The following MSI2 variants were observed in gnomAD, a reference collection of about 807,000 sequenced individuals.
The protein encoded by MSI2 is musashi RNA binding protein 2.
Under a neutral mutation model 45.6 loss-of-function variants are expected in MSI2, and 17 were observed. The ratio of observed to expected loss-of-function variants is 0.37; its 90% CI spans 0.26 to 0.56. The LOEUF (loss-of-function observed/expected upper bound fraction) is 0.56, where lower values mean the gene tolerates loss of function less well. MSI2 is among the 20% of genes least tolerant of loss of function. The pLI, the probability that MSI2 is intolerant of heterozygous loss-of-function variation, is 0.77. For synonymous variants in MSI2, 156 were observed against 158.2 expected, an observed-to-expected ratio of 0.99 and a Z score of 0.11; for missense variants, 293 against 444.2, an observed-to-expected ratio of 0.66 and a Z score of 3.06.
In MSI2 at chr17:57,280,682, C is replaced by T. The variant is rs914125932; in HGVS notation, c.312+18490C>T. Among the ~76,000 whole-genome samples the T allele has an allele frequency of 3.9e-5, 6 of 152,020 alleles. No individual in the cohort carries two copies. The highest frequency in any genetic ancestry group is 9.7e-5 in the African/African-American group (4 of 41,378). Reference sequence around the variant, plus strand: ...CTGGCAATCGGCATACTCTTAGTGACGGACCCCTATTGGTAAACTTGTTTT... The same window carrying T: ...CTGGCAATCGGCATACTCTTAGTGATGGACCCCTATTGGTAAACTTGTTTT... On this transcript the variant is annotated intron_variant, in intron 5 of 13. Transcript: ENST00000284073. The surrounding 1 kb of genome is among the most constrained non-coding windows in gnomAD (Gnocchi z 4.2).
At chr17:57,466,284 G>T (rs1016432380) in intron 6 of MSI2, among the ~76,000 whole-genome samples, 1 of 152,180 alleles carries the variant, frequency 6.6e-6, no homozygotes, top group African/African-American at 2.4e-5. Flanking sequence ...AAATTAATGG[G>T]GTCTCTGTGG....
chr17:57,466,930 A>T (rs900605401), intron 6 of MSI2, among the ~76,000 whole-genome samples: 1 of 152,180 alleles, frequency 6.6e-6, no homozygotes, highest in Non-Finnish European at 1.5e-5. Context: ...TAGTTTAATG[A>T]GAGAGTGGAG....
chr17:57,682,973 C>T lies in MSI2; in HGVS notation c.*3456C>T, dbSNP rs570948048. 32 of 229,126 alleles carry T rather than the reference C, an allele frequency of 1.4e-4. No individual in the cohort carries two copies. Among genetic ancestry groups the T allele is most frequent in the Non-Finnish European group, 1.9e-4 (22 of 115,546 alleles). 14.2% of individuals were successfully genotyped at this position (229,126 alleles called of 1,614,324 possible). On this transcript the variant is annotated 3_prime_UTR_variant, in exon 14 of 14. Coordinates refer to ENST00000284073, the MANE Select transcript of MSI2 (RefSeq NM_138962.4). ...TCTAGCAGCTTCCACAGACTTGGCT[C>T]GTGGCCTTCCTTATATCCACTGGGA...
At chr17:57,388,868 G>A (rs2083731704) in intron 5 of MSI2, among the ~76,000 whole-genome samples, 1 of 151,974 alleles carries the variant, frequency 6.6e-6, no homozygotes, top group Admixed American at 6.6e-5. Context: ...TGGCCAGTCT[G>A]GTCTCAAACT....
chr17:57,471,274 G>C lies in MSI2; in HGVS notation c.406-58402G>C, dbSNP rs532392059. 2.8e-5 allele frequency among the ~76,000 whole-genome samples: 4 copies of C among 144,308 alleles called. No individual in the cohort carries two copies. The East Asian group carries it at 8.2e-4, about 30-fold the overall frequency. The allele number at this position is 144,308 out of a possible 152,430, so 94.7% of individuals were successfully genotyped here. On this transcript the variant is annotated intron_variant, in intron 6 of 13. Coordinates refer to ENST00000284073, the MANE Select transcript of MSI2 (RefSeq NM_138962.4). ...GCCATCAACCTGCGGCATTTATGGA[G>C]CACTTTTTTTTTTTTTTTTTTTTTT...
intron 10 of MSI2, chr17:57,630,621 C>G (rs908941602): frequency 3.3e-5 from 5 of 152,240 alleles, no homozygotes; most frequent in African/African-American, 4.8e-5. Flanking sequence ...CTCCTGACCC[C>G]CTCCCAAAGG....
intron 7 of MSI2, among the ~76,000 whole-genome samples, chr17:57,541,551 A>T (rs2087046675): frequency 6.6e-6 from 1 of 152,224 alleles, no homozygotes; most frequent in Admixed American, 6.5e-5. Context: ...ATGTTGTCCC[A>T]GAAGCTCTTT....
chr17:57,541,294 A>G (rs895717422), intron 7 of MSI2, among the ~76,000 whole-genome samples: 1 of 152,174 alleles, frequency 6.6e-6, no homozygotes, highest in African/African-American at 2.4e-5. Context: ...TCCCAACTCC[A>G]GCGACACAAA....
chr17:57,274,006 C>T (rs1013796348), intron 5 of MSI2, among the ~76,000 whole-genome samples: 2 of 152,192 alleles, frequency 1.3e-5, no homozygotes, highest in Admixed American at 6.5e-5. Context: ...TAAAAAGCTT[C>T]CTAGAGACCT....
chr17:57,639,773 G>A (rs1910113721), intron 10 of MSI2, among the ~76,000 whole-genome samples: 1 of 151,988 alleles, frequency 6.6e-6, no homozygotes, highest in Admixed American at 6.5e-5. Flanking sequence ...CCTGCTTAGG[G>A]ATTCTACAGT....
intron 10 of MSI2, among the ~76,000 whole-genome samples, chr17:57,650,387 A>G (rs1911046104): frequency 6.6e-6 from 1 of 152,192 alleles, no homozygotes; most frequent in Admixed American, 6.5e-5. Flanking sequence ...ACAGAGAGAA[A>G]TAACTTGACT....
In MSI2 at chr17:57,627,601, G is replaced by C. The variant is rs1255736151; in HGVS notation, c.727+298G>C. On this transcript the variant is annotated intron_variant, in intron 10 of 13. Transcript: ENST00000284073. The surrounding 1 kb of genome is among the most constrained non-coding windows in gnomAD (Gnocchi z 4.6). The stretch of plus-strand genomic sequence containing the variant: ...CCTCCTTTTTCTGAAGCCTCTTCCG[G>C]GTTTTTTCTCACTGGGGACTGAACT... 6 of 451,230 alleles carry C rather than the reference G, an allele frequency of 1.3e-5. No individual in the cohort carries two copies. The highest frequency in any genetic ancestry group is 8.5e-5 in the East Asian group (2 of 23,594). 28.0% of individuals were successfully genotyped at this position (451,230 alleles called of 1,614,324 possible). A position where few individuals can be genotyped will look rare whatever the true frequency, so the allele number is the denominator to read the frequency against.
rs201881037 is a variant in MSI2 at position 57,627,341 on chromosome 17, G to A, written c.727+38G>A. 11 of 1,590,598 alleles carry A rather than the reference G, an allele frequency of 6.9e-6. No homozygotes were observed. The highest frequency in any genetic ancestry group is 2.2e-5 in the East Asian group (1 of 44,792). On this transcript the variant is annotated intron_variant, in intron 10 of 13. Coordinates refer to ENST00000284073, the MANE Select transcript of MSI2 (RefSeq NM_138962.4). The surrounding 1 kb of genome is among the most constrained non-coding windows in gnomAD (Gnocchi z 4.6). ...GTCTCCCAGGGCTTTGGAAGCACAA[G>A]AGGTGGGCTGCATTTGCGGGGAGGT...
intron 5 of MSI2, among the ~76,000 whole-genome samples, chr17:57,374,260 A>G (rs1163061233): frequency 6.6e-6 from 1 of 152,218 alleles, no homozygotes; most frequent in East Asian, 1.9e-4. Flanking sequence ...TTGCAACCCT[A>G]GGCATAAGTG....
Position 57,256,637 on chromosome 17 carries a change from G to A in MSI2, c.-106G>A. 2 of 481,064 alleles carry A rather than the reference G, an allele frequency of 4.2e-6. No homozygotes were observed. Among genetic ancestry groups the A allele is most frequent in the Admixed American group, 4.3e-5 (1 of 23,064 alleles). The allele number at this position is 481,064 out of a possible 1,614,324, so 29.8% of individuals were successfully genotyped here. On this transcript the variant is annotated 5_prime_UTR_variant, in exon 1 of 14. Transcript: ENST00000284073. ...GGAGCCCGGGCGGGGGGGAGGAGGAGGGGGAGGAGGGAGCGGAGATCTCGG... is the reference window on the plus strand; with the variant it reads ...GGAGCCCGGGCGGGGGGGAGGAGGAAGGGGAGGAGGGAGCGGAGATCTCGG...
chr17:57,409,789 A>ACT (rs1333097081), intron 6 of MSI2, among the ~76,000 whole-genome samples: 2 of 152,012 alleles, frequency 1.3e-5, no homozygotes, highest in African/African-American at 2.4e-5. Flanking sequence ...CGGGCGAATC[A>ACT]TGAGGTCAGG....
chr17:57,541,025 T>C (rs773687954), intron 7 of MSI2, among the ~76,000 whole-genome samples: 43 of 152,228 alleles, frequency 2.8e-4, no homozygotes, highest in Non-Finnish European at 4.9e-4. Context: ...CAAGAGAAGT[T>C]AGAGAAAAGA....
At chr17:57,541,363 TAATCCAG>T (rs977258764) in intron 7 of MSI2, among the ~76,000 whole-genome samples, 19 of 151,926 alleles carry the variant, frequency 1.3e-4, no homozygotes, top group African/African-American at 1.5e-4. Flanking sequence ...TTCAGGGAAA[TAATCCAG>T]AAAAAGAACG....
intron 5 of MSI2, among the ~76,000 whole-genome samples, chr17:57,308,079 C>T (rs2143584767): frequency 6.6e-6 from 1 of 152,276 alleles, no homozygotes; most frequent in Non-Finnish European, 1.5e-5. Context: ...GTCAGACAGA[C>T]CTGAGTTGGA....
Sources: gnomAD v4.1 joint callset for allele counts (sites outside exome capture counted in the v4.1 genomes callset) on GRCh38, gnomAD v4.1.1 for gene constraint, Gnocchi (gnomAD v3.1) non-coding constraint, MANE v1.5 for transcripts, NCBI Gene and HGNC (gene_info 2026-07-23, HGNC 2026-07-21) for gene names.